The following CDH13 variants were observed in gnomAD, a reference collection of about 807,000 sequenced individuals.
CDH13 encodes cadherin-13.
Under a neutral mutation model 63.8 loss-of-function variants are expected in CDH13, and 24 were observed. That is an observed-to-expected ratio of 0.38 (90% confidence interval 0.27 to 0.53). The LOEUF (loss-of-function observed/expected upper bound fraction) is 0.53, where lower values mean the gene tolerates loss of function less well. CDH13 is among the 20% of genes least tolerant of loss of function. The probability of loss-of-function intolerance (pLI) is 0.85; values close to 1 mark genes in which losing one functional copy is unlikely to be tolerated. For missense variants in CDH13, 1,049 were observed against 903.1 expected (o/e 1.16, Z -2.07); for synonymous variants, 503 against 355.3 (o/e 1.42, Z -4.67).
chr16:83,479,875 A>G (rs149029248), intron 6 of CDH13, among the ~76,000 whole-genome samples: 1 of 152,358 alleles, frequency 6.6e-6, no homozygotes, highest in East Asian at 1.9e-4. Context: ...GGTATTCTAT[A>G]GAATTAACGT....
chr16:83,437,395 G>A (rs2072338077), intron 6 of CDH13, among the ~76,000 whole-genome samples: 2 of 152,156 alleles, frequency 1.3e-5, no homozygotes, highest in Non-Finnish European at 2.9e-5. Context: ...ATAAAGGCTG[G>A]CCGGGTACGG....
At chr16:83,306,827 A>G (rs762591577) in intron 5 of CDH13, among the ~76,000 whole-genome samples, 1 of 152,162 alleles carries the variant, frequency 6.6e-6, no homozygotes, top group Non-Finnish European at 1.5e-5. Context: ...AGCACATGAA[A>G]TTGGAAATTA....
intron 3 of CDH13, among the ~76,000 whole-genome samples, chr16:83,122,184 C>G (rs996677693): frequency 6.6e-6 from 1 of 152,178 alleles, no homozygotes; most frequent in South Asian, 2.1e-4. Flanking sequence ...ATCTTTCAGT[C>G]CTCTGATCAG....
At chr16:82,907,016 A>T (rs553288612) in intron 2 of CDH13, among the ~76,000 whole-genome samples, 61 of 152,226 alleles carry the variant, frequency 4.0e-4, no homozygotes, top group African/African-American at 1.4e-3. Flanking sequence ...ATGAACATGG[A>T]TTTTGGGGAG....
chr16:83,266,039 C>T (rs577315620), intron 5 of CDH13, among the ~76,000 whole-genome samples: 7 of 152,076 alleles, frequency 4.6e-5, no homozygotes, highest in East Asian at 3.9e-4. Context: ...CAGCTTCAAG[C>T]GATTCTCCTG....
chr16:83,460,972 C>G (rs966024227), intron 6 of CDH13, among the ~76,000 whole-genome samples: 1 of 128,696 alleles, frequency 7.8e-6, no homozygotes, highest in African/African-American at 3.0e-5. Context: ...AGAATTAGAC[C>G]TTGTCTCAAA....
At chr16:83,267,555 C>T (rs1287914587) in intron 5 of CDH13, among the ~76,000 whole-genome samples, 1 of 152,136 alleles carries the variant, frequency 6.6e-6, no homozygotes, top group Non-Finnish European at 1.5e-5. Flanking sequence ...CATGGGGGCT[C>T]CACCCTCATG....
chr16:83,723,712 C>G (rs1909990919), intron 10 of CDH13, among the ~76,000 whole-genome samples: 1 of 152,226 alleles, frequency 6.6e-6, no homozygotes, highest in African/African-American at 2.4e-5. Context: ...TATGATCTCC[C>G]TTCCTCTTGT....
intron 7 of CDH13, among the ~76,000 whole-genome samples, chr16:83,533,023 G>A (rs935591936): frequency 1.3e-5 from 2 of 152,188 alleles, no homozygotes; most frequent in African/African-American, 4.8e-5. Context: ...TTGTCAGTCT[G>A]CAGAGCATCA....
At chr16:82,684,437 A>G (rs929324998) in intron 1 of CDH13, among the ~76,000 whole-genome samples, 2 of 152,278 alleles carry the variant, frequency 1.3e-5, no homozygotes. Context: ...GTCTGCGGTG[A>G]GCAAGATTCT....
At position 83,139,872 on chromosome 16, in the gene CDH13, C is replaced by T. The variant is rs949266357; in HGVS notation, c.483+14371C>T. Among the ~76,000 whole-genome samples the T allele has an allele frequency of 2.0e-5, 3 of 152,142 alleles. No individual in the cohort carries two copies. The East Asian group carries it at 5.8e-4, about 29-fold the overall frequency. ...ACAAAATTAGTTAGGCATGGTGGTG[C>T]ATGCCTGTAAGCCCAGCTACTCTGG... On this transcript the variant is annotated intron_variant, in intron 4 of 13. Coordinates refer to ENST00000567109, the MANE Select transcript of CDH13 (RefSeq NM_001257.5).
chr16:82,854,475 T>C lies in CDH13; in HGVS notation c.46-3887T>C, dbSNP rs561073446. Among the ~76,000 whole-genome samples, 4 of 151,854 alleles carry C rather than the reference T, an allele frequency of 2.6e-5. No homozygotes were observed. In the South Asian group the frequency reaches 8.4e-4, roughly 32 times the overall value. On this transcript the variant is annotated intron_variant, in intron 1 of 13. Transcript: ENST00000567109. ...ACTAGAACATTCTACTATTATTGAC[T>C]AGTAAGATATTTAGCTTTTGGGGAA...
chr16:83,795,679 T>C lies in CDH13; in HGVS notation c.*649T>C, dbSNP rs1024865263. 6.6e-6 allele frequency: 1 copy of C among 152,210 alleles called. No homozygotes were observed. The highest frequency in any genetic ancestry group is 2.4e-5 in the African/African-American group (1 of 41,430). The allele number at this position is 152,210 out of a possible 1,614,324, so 9.4% of individuals were successfully genotyped here. A position where few individuals can be genotyped will look rare whatever the true frequency, so the allele number is the denominator to read the frequency against. ...CAGAGAAAGAAGTCCTTTCTCTTTA[T>C]TGAGTTCGAGGACTACAACCAATTT... On this transcript the variant is annotated 3_prime_UTR_variant, in exon 14 of 14. Coordinates refer to ENST00000567109, the MANE Select transcript of CDH13 (RefSeq NM_001257.5).
At chr16:82,662,271 G>A (rs1597251025) in intron 1 of CDH13, among the ~76,000 whole-genome samples, 1 of 141,368 alleles carries the variant, frequency 7.1e-6, no homozygotes, top group East Asian at 1.9e-4. Flanking sequence ...GGATAAGAGT[G>A]CAAAAAACAC....
chr16:82,819,354 C>G (rs988191489), intron 1 of CDH13, among the ~76,000 whole-genome samples: 2 of 152,200 alleles, frequency 1.3e-5, no homozygotes, highest in Non-Finnish European at 2.9e-5. Context: ...ATTCTAGTAT[C>G]AAATGCTGAT....
rs1055879944 is a variant in CDH13, at chr16:83,678,349, G to T, written c.1426G>T (p.Val476Phe). ...ITVLDVNEGP[V>F]FYPDPMMVTR... The stretch of plus-strand genomic sequence containing the variant: ...TGTCCTGGATGTCAACGAGGGCCCA[G>T]TCTTCTACCCAGACCCCATGATGGT... The change falls in exon 10 of 14, where the codon GTC becomes TTC. Residue 476 changes from valine (V) to phenylalanine (F), a missense_variant. Coordinates refer to ENST00000567109, the MANE Select transcript of CDH13 (RefSeq NM_001257.5). 2.5e-6 allele frequency: 4 copies of T among 1,613,862 alleles called. No homozygotes were observed. Among genetic ancestry groups the T allele is most frequent in the Non-Finnish European group, 3.4e-6 (4 of 1,179,898 alleles).
chr16:82,707,072 T>C (rs976142009), intron 1 of CDH13, among the ~76,000 whole-genome samples: 1 of 152,188 alleles, frequency 6.6e-6, no homozygotes, highest in East Asian at 1.9e-4. Flanking sequence ...CATCCCCTGT[T>C]TGGCGGGAAA....
intron 6 of CDH13, among the ~76,000 whole-genome samples, chr16:83,445,903 G>T (rs952036080): frequency 6.6e-6 from 1 of 152,152 alleles, no homozygotes; most frequent in Non-Finnish European, 1.5e-5. Context: ...ACAACAGACA[G>T]TTCAGAGATC....
intron 1 of CDH13, among the ~76,000 whole-genome samples, chr16:82,741,913 G>C (rs967518281): frequency 6.6e-6 from 1 of 152,000 alleles, no homozygotes; most frequent in African/African-American, 2.4e-5. Flanking sequence ...CATATGTGTT[G>C]ACCCAGAAAT....
Sources: gnomAD v4.1 joint callset for allele counts (sites outside exome capture counted in the v4.1 genomes callset) on GRCh38, gnomAD v4.1.1 for gene constraint, MANE v1.5 for transcripts, NCBI Gene and HGNC (gene_info 2026-07-23, HGNC 2026-07-21) for gene names.